The following DOCK1 variants were observed in gnomAD, a reference collection of about 807,000 sequenced individuals.
DOCK1 encodes the protein dedicator of cytokinesis protein 1.
A neutral mutation model predicts 262.7 loss-of-function variants in DOCK1; 138 were observed. That is an observed-to-expected ratio of 0.53 (90% CI 0.46 to 0.61). The LOEUF (loss-of-function observed/expected upper bound fraction) is 0.61. DOCK1 is among the 20% of genes least tolerant of loss of function. The pLI is 0.00. For missense variants in DOCK1, 1,908 were observed against 2,370.7 expected (o/e 0.80, Z 4.05); for synonymous variants, 866 against 867.4 (o/e 1.00, Z 0.03).
intron 6 of DOCK1, among the ~76,000 whole-genome samples, chr10:126,996,276 A>C (rs2040181340): frequency 6.7e-6 from 1 of 148,794 alleles, no homozygotes; most frequent in Non-Finnish European, 1.5e-5. Flanking sequence ...GCTACTCGGG[A>C]GGCTGAGGCA....
chr10:127,246,890 C>T (rs2134767765), intron 27 of DOCK1, among the ~76,000 whole-genome samples: 1 of 152,246 alleles, frequency 6.6e-6, no homozygotes, highest in Non-Finnish European at 1.5e-5. Context: ...AAAATAGGGA[C>T]ATGTCTCAAA....
chr10:127,127,306 G>A (rs2050025113), intron 26 of DOCK1, among the ~76,000 whole-genome samples: 1 of 152,202 alleles, frequency 6.6e-6, no homozygotes, highest in African/African-American at 2.4e-5. Flanking sequence ...GAACCATCTA[G>A]GACTGTTATC....
Position 127,362,049 on chromosome 10 carries a change from C to T in DOCK1, c.3284-15C>T, listed in dbSNP as rs2296636. The stretch of plus-strand genomic sequence containing the variant: ...TTTTTCTTTATTTCTGAATATTGTA[C>T]CTCTTTTTTCCAAGGTCAACACAAG... On this transcript the variant is annotated splice_polypyrimidine_tract_variant and intron_variant, in intron 32 of 51. Coordinates refer to ENST00000623213, the MANE Select transcript of DOCK1 (RefSeq NM_001290223.2). 411,716 of 1,594,248 alleles carry T rather than the reference C, an allele frequency of 0.26. 54,328 individuals carry two copies. Among genetic ancestry groups the T allele is most frequent in the South Asian group, 0.28 (24,796 of 87,576 alleles).
intron 29 of DOCK1, among the ~76,000 whole-genome samples, chr10:127,331,879 C>A (rs1036451793): frequency 2.6e-5 from 4 of 152,168 alleles, no homozygotes; most frequent in African/African-American, 9.7e-5. Context: ...TCATACCCCG[C>A]AAGACTTGTG....
intron 27 of DOCK1, among the ~76,000 whole-genome samples, chr10:127,142,886 A>C (rs1442806781): frequency 2.0e-5 from 3 of 152,110 alleles, no homozygotes; most frequent in Non-Finnish European, 2.9e-5. Context: ...AAGTGTGGGG[A>C]CTTTCTTACA....
chr10:127,400,374 C>G (rs1565061447), intron 38 of DOCK1, among the ~76,000 whole-genome samples: 1 of 152,134 alleles, frequency 6.6e-6, no homozygotes, highest in Non-Finnish European at 1.5e-5. Context: ...ATGGGTGACC[C>G]AGGTCTGGGG....
intron 38 of DOCK1, among the ~76,000 whole-genome samples, chr10:127,391,666 A>G (rs2094238): frequency 0.47 from 70,748 of 151,528 alleles, 16,844 homozygotes; most frequent in African/African-American, 0.51. Context: ...CACCATCTTG[A>G]CCCACTTCTA....
intron 47 of DOCK1, among the ~76,000 whole-genome samples, chr10:127,426,471 G>T (rs1454598998): frequency 6.6e-6 from 1 of 152,204 alleles, no homozygotes; most frequent in East Asian, 1.9e-4. Flanking sequence ...GGCCATCGAG[G>T]AAGAAGTGAC....
intron 29 of DOCK1, among the ~76,000 whole-genome samples, chr10:127,270,823 C>A (rs974488081): frequency 6.6e-6 from 1 of 152,142 alleles, no homozygotes; most frequent in Non-Finnish European, 1.5e-5. Flanking sequence ...TAACATCAGA[C>A]TGATTTTTCT....
intron 46 of DOCK1, among the ~76,000 whole-genome samples, chr10:127,425,586 T>C (rs2068763697): frequency 6.6e-6 from 1 of 152,194 alleles, no homozygotes; most frequent in Non-Finnish European, 1.5e-5. Context: ...AAGGTGTAGC[T>C]CTTCCCAAAC....
At chr10:127,037,377 G>A (rs1382112407) in intron 18 of DOCK1, among the ~76,000 whole-genome samples, 2 of 152,204 alleles carry the variant, frequency 1.3e-5, no homozygotes, top group African/African-American at 4.8e-5. Flanking sequence ...CCTGGGCAGC[G>A]CTTTCTGGGT....
intron 25 of DOCK1, among the ~76,000 whole-genome samples, chr10:127,115,072 C>G (rs913229363): frequency 6.6e-6 from 1 of 152,138 alleles, no homozygotes; most frequent in Non-Finnish European, 1.5e-5. Context: ...CTTTTCTTAT[C>G]TATATGCCCG....
chr10:127,200,043 G>T (rs913629929), intron 27 of DOCK1, among the ~76,000 whole-genome samples: 4 of 152,106 alleles, frequency 2.6e-5, no homozygotes, highest in African/African-American at 9.7e-5. Context: ...CCGATGAAAC[G>T]CCTGCCCTCC....
rs113657574 is a variant in DOCK1 at position 127,006,571 on chromosome 10, C to T, written c.986-2161C>T. 8.6e-3 allele frequency among the ~76,000 whole-genome samples: 1,304 copies of T among 152,266 alleles called. 11 individuals are homozygous for T. Among genetic ancestry groups the T allele is most frequent in the African/African-American group, 0.023 (947 of 41,538 alleles). On this transcript the variant is annotated intron_variant, in intron 10 of 51. Coordinates refer to ENST00000623213, the MANE Select transcript of DOCK1 (RefSeq NM_001290223.2). ...CACTCCCTCTGCGTGGGGCTGTGTG[C>T]GGAAGAGCAGTCAGGGGAGTCCCTG...
intron 38 of DOCK1, among the ~76,000 whole-genome samples, chr10:127,398,147 G>A (rs2067022743): frequency 6.6e-6 from 1 of 152,198 alleles, no homozygotes; most frequent in Non-Finnish European, 1.5e-5. Flanking sequence ...GTCTTTGCTG[G>A]TGCAGGGAAT....
At chr10:127,324,082 G>A (rs1482721536) in intron 29 of DOCK1, among the ~76,000 whole-genome samples, 1 of 152,216 alleles carries the variant, frequency 6.6e-6, no homozygotes, top group East Asian at 1.9e-4. Context: ...GGAACAGCAG[G>A]AAACAAAGAT....
chr10:127,279,057 C>A (rs1365597410), intron 29 of DOCK1, among the ~76,000 whole-genome samples: 2 of 152,192 alleles, frequency 1.3e-5, no homozygotes, highest in Non-Finnish European at 2.9e-5. Flanking sequence ...TGTTGTTCCT[C>A]CTTTATAGTT....
At chr10:127,198,063 TC>T (rs1289022858) in intron 27 of DOCK1, among the ~76,000 whole-genome samples, 2 of 152,032 alleles carry the variant, frequency 1.3e-5, no homozygotes, top group Non-Finnish European at 2.9e-5. Context: ...TTAACTCAGA[TC>T]CCCCAAGCTG....
intron 1 of DOCK1, among the ~76,000 whole-genome samples, chr10:126,957,725 C>T (rs966557334): frequency 0.056 from 8,590 of 152,178 alleles, 277 homozygotes; most frequent in African/African-American, 0.068. Flanking sequence ...AGTGATTCTC[C>T]CACTTCAGCT....
Sources: allele counts gnomAD v4.1 joint callset (sites outside exome capture counted in the v4.1 genomes callset), GRCh38; gene constraint gnomAD v4.1.1; transcripts MANE v1.5; gene names NCBI Gene and HGNC (gene_info 2026-07-23, HGNC 2026-07-21).